The following TMEM135 variants were observed in gnomAD, a reference collection of about 807,000 sequenced individuals.
TMEM135 encodes peroxisomal membrane protein 52.
In TMEM135, 30 loss-of-function variants were observed where a neutral mutation model predicts 60.3. The ratio of observed to expected loss-of-function variants is 0.50; its 90% CI spans 0.37 to 0.68. TMEM135 has a LOEUF of 0.68. TMEM135 is among the 30% of genes least tolerant of loss of function. TMEM135 has a pLI of 0.00. For missense variants in TMEM135, 468 were observed against 548.8 expected (o/e 0.85, Z 1.47); for synonymous variants, 190 against 186.7 (o/e 1.02, Z -0.14).
intron 4 of TMEM135, among the ~76,000 whole-genome samples, chr11:87,146,132 C>A (rs482339): frequency 0.37 from 55,910 of 152,020 alleles, 10,815 homozygotes; most frequent in East Asian, 0.67. Flanking sequence ...CTCTAATTTC[C>A]TTCTCCCGTA....
intron 6 of TMEM135, among the ~76,000 whole-genome samples, chr11:87,256,464 A>G (rs11235045): frequency 0.32 from 48,526 of 152,064 alleles, 9,214 homozygotes; most frequent in Non-Finnish European, 0.43. Context: ...TACTTAAATT[A>G]TGTTGTAATA....
chr11:87,249,127 G>A (rs902774243), intron 6 of TMEM135, among the ~76,000 whole-genome samples: 9 of 152,200 alleles, frequency 5.9e-5, no homozygotes, highest in East Asian at 1.9e-4. Context: ...CCAGTACTAC[G>A]TTGAATAACA....
At chr11:87,210,824 G>A (rs1026009340) in intron 5 of TMEM135, among the ~76,000 whole-genome samples, 4 of 152,036 alleles carry the variant, frequency 2.6e-5, no homozygotes, top group African/African-American at 9.7e-5. Flanking sequence ...CTGCTGCCTG[G>A]GATGCAAGGC....
chr11:87,314,785 A>T (rs1172261163), intron 12 of TMEM135, among the ~76,000 whole-genome samples: 1 of 151,818 alleles, frequency 6.6e-6, no homozygotes, highest in African/African-American at 2.4e-5. Flanking sequence ...TTCAACAGTT[A>T]TCAGTATTTG....
Position 87,324,690 on chromosome 11 carries a change from C to T in TMEM135, c.*3357C>T, listed in dbSNP as rs1017906814. 3.7e-5 allele frequency: 17 copies of T among 453,602 alleles called. No individual in the cohort carries two copies. The highest frequency in any genetic ancestry group is 5.7e-5 in the Non-Finnish European group (13 of 226,682). The allele number at this position is 453,602 out of a possible 1,614,324, so 28.1% of individuals were successfully genotyped here. A position where few individuals can be genotyped will look rare whatever the true frequency, so the allele number is the denominator to read the frequency against. ...AAGTGATCCTCTTGGGTTGGCCTCCCGGGACTCTGGGATTCCAGGTGTGAG... is the reference window on the plus strand; with the variant it reads ...AAGTGATCCTCTTGGGTTGGCCTCCTGGGACTCTGGGATTCCAGGTGTGAG... On this transcript the variant is annotated 3_prime_UTR_variant, in exon 15 of 15. Coordinates refer to ENST00000305494, the MANE Select transcript of TMEM135 (RefSeq NM_022918.4).
chr11:87,229,947 A>C (rs961089872), intron 5 of TMEM135, among the ~76,000 whole-genome samples: 4 of 152,030 alleles, frequency 2.6e-5, no homozygotes, highest in African/African-American at 9.7e-5. Flanking sequence ...GGTGTAGTTT[A>C]TATGCTATAA....
chr11:87,186,107 A>G (rs1050023413), intron 5 of TMEM135, among the ~76,000 whole-genome samples: 1 of 152,132 alleles, frequency 6.6e-6, no homozygotes, highest in African/African-American at 2.4e-5. Context: ...GGGTTTCACC[A>G]TGTTGGCCAG....
At chr11:87,044,500 G>T (rs374144402) in intron 1 of TMEM135, among the ~76,000 whole-genome samples, 45 of 152,066 alleles carry the variant, frequency 3.0e-4, no homozygotes, top group African/African-American at 9.9e-4. Flanking sequence ...GGAGACCATG[G>T]AATTGTAAAT....
intron 4 of TMEM135, among the ~76,000 whole-genome samples, chr11:87,106,524 T>C (rs1439240742): frequency 6.6e-6 from 1 of 152,194 alleles, no homozygotes; most frequent in African/African-American, 2.4e-5. Context: ...AATTTTCTTT[T>C]CTTGAAGTGT....
intron 5 of TMEM135, among the ~76,000 whole-genome samples, chr11:87,234,152 G>A (rs1159412472): frequency 6.6e-6 from 1 of 151,846 alleles, no homozygotes; most frequent in Non-Finnish European, 1.5e-5. Context: ...TTCTCTTATA[G>A]TGTCTCTGCT....
intron 1 of TMEM135, among the ~76,000 whole-genome samples, chr11:87,060,932 G>A (rs1056035541): frequency 2.0e-5 from 3 of 152,012 alleles, no homozygotes; most frequent in Non-Finnish European, 4.4e-5. Context: ...GTGAGCCACC[G>A]CACCCGGCCT....
At chr11:87,071,214 A>G (rs1856767892) in intron 2 of TMEM135, among the ~76,000 whole-genome samples, 1 of 152,190 alleles carries the variant, frequency 6.6e-6, no homozygotes, top group African/African-American at 2.4e-5. Flanking sequence ...TTTGAAAGAT[A>G]AATTGCATCT....
rs1023079530 is a variant in TMEM135, at chr11:87,327,539, T to A, written c.*6206T>A. On this transcript the variant is annotated 3_prime_UTR_variant, in exon 15 of 15. Transcript: ENST00000305494. ...GGATAGAGAGATACATAGAGAGAGA[T>A]ATGAGAGGGATAGAGAGAGACACAG... The A allele has an allele frequency of 2.2e-6, 1 of 452,472 alleles. No individual in the cohort carries two copies. The highest frequency in any genetic ancestry group is 7.0e-5 in the East Asian group (1 of 14,356). The allele number at this position is 452,472 out of a possible 1,614,324, so 28.0% of individuals were successfully genotyped here.
At chr11:87,183,154 T>G (rs1283406551) in intron 5 of TMEM135, among the ~76,000 whole-genome samples, 3 of 145,114 alleles carry the variant, frequency 2.1e-5, no homozygotes. Flanking sequence ...TTTTTTTTTT[T>G]TTTTTTGAGA....
intron 6 of TMEM135, among the ~76,000 whole-genome samples, chr11:87,267,220 C>G (rs1941767788): frequency 6.6e-6 from 1 of 151,882 alleles, no homozygotes; most frequent in Non-Finnish European, 1.5e-5. Flanking sequence ...TAACAAAAAG[C>G]AATATTAGAA....
In TMEM135 at chr11:87,097,200, T is replaced by C. The variant is rs187736048; in HGVS notation, c.396+5805T>C. Among the ~76,000 whole-genome samples the C allele has an allele frequency of 7.2e-3, 1,099 of 152,262 alleles. 19 individuals carry two copies. Among genetic ancestry groups the C allele is most frequent in the African/African-American group, 0.026 (1,060 of 41,540 alleles). On this transcript the variant is annotated intron_variant, in intron 4 of 14. Transcript: ENST00000305494. ...CCAGTACAGACGGGGTTTCACCATG[T>C]TGGTCAGGCTGGTCTGGAACTCCTG... is the stretch of plus-strand genomic sequence containing the variant.
At chr11:87,303,979 A>T (rs1942491433) in intron 8 of TMEM135, among the ~76,000 whole-genome samples, 1 of 152,178 alleles carries the variant, frequency 6.6e-6, no homozygotes, top group African/African-American at 2.4e-5. Flanking sequence ...AGCAAATAAT[A>T]CAAGAGACAG....
chr11:87,133,959 A>T (rs902132418), intron 4 of TMEM135, among the ~76,000 whole-genome samples: 4 of 151,998 alleles, frequency 2.6e-5, no homozygotes, highest in African/African-American at 9.7e-5. Flanking sequence ...GGATTTGATG[A>T]TTATGAGTAA....
At chr11:87,302,509 A>C (rs1400832455) in intron 8 of TMEM135, 67 bp downstream of exon 8, 95 of 1,601,028 alleles carry the variant, frequency 5.9e-5, no homozygotes, top group Non-Finnish European at 6.5e-5. Flanking sequence ...GTACCATGCC[A>C]AGGTTATTTT....
Sources: gnomAD v4.1 joint callset for allele counts (sites outside exome capture counted in the v4.1 genomes callset) on GRCh38, gnomAD v4.1.1 for gene constraint, MANE v1.5 for transcripts, NCBI Gene and HGNC (gene_info 2026-07-23, HGNC 2026-07-21) for gene names.